Variants in SLC1A5 observed in about 807,000 individuals in gnomAD.
SLC1A5 encodes solute carrier family 1 member 5, also known as neutral amino acid transporter B(0).
A neutral mutation model predicts 34.9 loss-of-function variants in SLC1A5; 25 were observed. That is an observed-to-expected ratio of 0.72 (90% confidence interval 0.52 to 1.00). SLC1A5 has a LOEUF of 1.00. Ranked by LOEUF, SLC1A5 falls within the 50% of genes least tolerant of loss-of-function variation. SLC1A5 has a pLI of 0.00. For synonymous variants in SLC1A5, 351 were observed against 341.2 expected (o/e 1.03, Z -0.32); for missense variants, 637 against 740.0 (o/e 0.86, Z 1.61).
At chr19:46,779,151 A>G (rs1220166794) in intron 4 of SLC1A5, among the ~76,000 whole-genome samples, 1 of 152,124 alleles carries the variant, frequency 6.6e-6, no homozygotes, top group Non-Finnish European at 1.5e-5. Flanking sequence ...CAGGCCGGGC[A>G]CGGTGGCTCA....
At chr19:46,786,161 G>A (rs2055184644) in intron 1 of SLC1A5, among the ~76,000 whole-genome samples, 2 of 152,156 alleles carry the variant, frequency 1.3e-5, no homozygotes, top group African/African-American at 4.8e-5. Context: ...GGCGTGGCTG[G>A]TGGCATCACT....
In SLC1A5 at chr19:46,787,844, G is replaced by A. The variant is rs769830147; in HGVS notation, c.122C>T (p.Ser41Phe). 6.4e-6 allele frequency: 10 copies of A among 1,553,496 alleles called. No homozygotes were observed. Among genetic ancestry groups the A allele is most frequent in the South Asian group, 2.4e-5 (2 of 84,622 alleles). ...QGAAAGGYCG[S>F]RDQVRRCLRA... ...AAGGCAGCGGCGCACCTGGTCCCGG[G>A]AACCGCAGTAGCCGCCTGCTGCCGC... is the stretch of plus-strand genomic sequence containing the variant. The change falls in exon 1 of 8, where the codon TCC (serine) becomes TTC (phenylalanine). Residue 41 changes from serine to phenylalanine, a missense_variant. Coordinates refer to ENST00000542575, the MANE Select transcript of SLC1A5 (RefSeq NM_005628.3). The surrounding 1 kb of genome is among the most constrained non-coding windows in gnomAD (Gnocchi z 5.2).
intron 4 of SLC1A5, 41 bp downstream of exon 4, chr19:46,782,342 T>TGCCAACCCCCCCCCC: frequency 1.9e-6 from 1 of 523,370 alleles, no homozygotes; most frequent in Non-Finnish European, 3.5e-6. Context: ...AGACCGACCC[T>TGCCAACCCCCCCCCC]CCAACCCCAC....
intron 2 of SLC1A5, 32 bp downstream of exon 2, chr19:46,784,485 C>T (rs544748497): frequency 6.2e-7 from 1 of 1,613,644 alleles, no homozygotes; most frequent in South Asian, 1.1e-5. Flanking sequence ...CCTGTCCACC[C>T]CCATCCCCTC....
chr19:46,778,948 C>T lies in SLC1A5; in HGVS notation c.825-40G>A, dbSNP rs375494557. The T allele has an allele frequency of 1.4e-4, 201 of 1,460,692 alleles. 1 individual carries two copies. The South Asian group carries it at 1.5e-3, about 11-fold the overall frequency. 90.5% of individuals were successfully genotyped at this position (1,460,692 alleles called of 1,614,324 possible). A position where few individuals can be genotyped will look rare whatever the true frequency, so the allele number is the denominator to read the frequency against. On this transcript the variant is annotated intron_variant, in intron 4 of 7. Transcript: ENST00000542575. The stretch of plus-strand genomic sequence containing the variant: ...AGGAGACAGCTTGTTGCCTCTTCCA[C>T]GGGCCCAGTGGCCAGGCGTGAGGCT...
rs2055200891 is a variant in SLC1A5 at position 46,788,263 on chromosome 19, G to C, written c.-298C>G. 5.3e-6 allele frequency: 2 copies of C among 376,516 alleles called. No homozygotes were observed. Among genetic ancestry groups the C allele is most frequent in the East Asian group, 8.9e-5 (2 of 22,440 alleles). 23.3% of individuals were successfully genotyped at this position (376,516 alleles called of 1,614,324 possible). On this transcript the variant is annotated 5_prime_UTR_variant, in exon 1 of 8. Transcript: ENST00000542575. The stretch of plus-strand genomic sequence containing the variant: ...CCTTGGCCCTAGGAGCTGGGAATAC[G>C]AGAGTTTCTCTGGGTGGGACGTGGG...
intron 4 of SLC1A5, among the ~76,000 whole-genome samples, chr19:46,782,123 T>C (rs1419782480): frequency 1.3e-5 from 2 of 152,128 alleles, no homozygotes; most frequent in Admixed American, 1.3e-4. Flanking sequence ...TTTGAACTCC[T>C]GATCTCAAGT....
At position 46,782,686 on chromosome 19, in the gene SLC1A5, C is replaced by A. The variant is rs913089601; in HGVS notation, c.658-137G>T. 4 of 944,798 alleles carry A rather than the reference C, an allele frequency of 4.2e-6. No individual in the cohort carries two copies. In the Admixed American group the frequency reaches 7.7e-5, roughly 18 times the overall value. The allele number at this position is 944,798 out of a possible 1,614,324, so 58.5% of individuals were successfully genotyped here. On this transcript the variant is annotated intron_variant, in intron 3 of 7. Transcript: ENST00000542575. ...ACCCCTTCCTCCCAAGGCTCCCAGT[C>A]CAGGTCCAGGGGAAATATATTAGTC... is the stretch of plus-strand genomic sequence containing the variant.
At chr19:46,782,946 C>T (rs979004586) in intron 3 of SLC1A5, among the ~76,000 whole-genome samples, 1 of 152,144 alleles carries the variant, frequency 6.6e-6, no homozygotes, top group African/African-American at 2.4e-5. Context: ...ATGAGTGCAA[C>T]TTGGGCATTC....
At position 46,777,229 on chromosome 19, in the gene SLC1A5, A is replaced by G. The variant is rs759547212; in HGVS notation, c.1235T>C (p.Val412Ala). 12 of 1,605,944 alleles carry G rather than the reference A, an allele frequency of 7.5e-6. No homozygotes were observed. In the African/African-American group the frequency reaches 1.6e-4, roughly 21 times the overall value. The change falls in exon 6 of 8, where the codon GTA becomes GCA. Residue 412 changes from valine (V) to alanine (A), a missense_variant. By Grantham distance (64) the Val-to-Ala change is moderately conservative (BLOSUM62 0). Coordinates refer to ENST00000542575, the MANE Select transcript of SLC1A5 (RefSeq NM_005628.3). ...CACTCACAGGATGGTGATGATCTTT[A>G]CGAAGTCCAAGGACTGCTGGCTGAG... ...AQLSQQSLDF[V>A]KIITILVTAT...
intron 4 of SLC1A5, among the ~76,000 whole-genome samples, chr19:46,781,918 T>C (rs1471756367): frequency 6.6e-6 from 1 of 152,172 alleles, no homozygotes; most frequent in Non-Finnish European, 1.5e-5. Context: ...TCTTTTCTTC[T>C]TGAGACAGAG....
chr19:46,787,350 C>A lies in SLC1A5; in HGVS notation c.566+50G>T. On this transcript the variant is annotated intron_variant, in intron 1 of 7. Coordinates refer to ENST00000542575, the MANE Select transcript of SLC1A5 (RefSeq NM_005628.3). This position sits in a 1 kb window ranked among gnomAD's most constrained non-coding sequence, Gnocchi z 5.2. ...GCCCCGTCCTGTCCACGTGACCACT[C>A]CCGCCATCCGTAACACTCTTCCCCA... 6.4e-7 allele frequency: 1 copy of A among 1,552,304 alleles called. No homozygotes were observed. Among genetic ancestry groups the A allele is most frequent in the South Asian group, 1.2e-5 (1 of 84,194 alleles).
In SLC1A5 at chr19:46,778,926, A is replaced by G. The variant is rs766340332; in HGVS notation, c.825-18T>C. On this transcript the variant is annotated intron_variant, in intron 4 of 7. Transcript: ENST00000542575. The stretch of plus-strand genomic sequence containing the variant: ...GGGCGTACCTGATCAGTAACACAGG[A>G]GACAGCTTGTTGCCTCTTCCACGGG... 2 of 1,524,736 alleles carry G rather than the reference A, an allele frequency of 1.3e-6. No homozygotes were observed. Among genetic ancestry groups the G allele is most frequent in the African/African-American group, 2.8e-5 (2 of 72,190 alleles). The allele number at this position is 1,524,736 out of a possible 1,614,324, so 94.5% of individuals were successfully genotyped here.
At chr19:46,777,598 T>C (rs568650664) in intron 5 of SLC1A5, among the ~76,000 whole-genome samples, 193 bp from the exon 6 acceptor site, 30 of 115,460 alleles carry the variant, frequency 2.6e-4, no homozygotes, top group South Asian at 1.7e-3. Context: ...AGGTCTGACC[T>C]GCACCACCCA....
intron 4 of SLC1A5, among the ~76,000 whole-genome samples, chr19:46,780,970 T>G (rs1421771292): frequency 6.6e-6 from 1 of 151,942 alleles, no homozygotes; most frequent in African/African-American, 2.4e-5. Flanking sequence ...AGACTCTGTC[T>G]CTAAATAAAT....
intron 2 of SLC1A5, 72 bp downstream of exon 2, chr19:46,784,445 A>T (rs374241340): frequency 1.3e-6 from 2 of 1,575,188 alleles, no homozygotes; most frequent in African/African-American, 2.7e-5. Flanking sequence ...AAAATCAGGT[A>T]GCAAGGGCTC....
intron 7 of SLC1A5, 49 bp from the exon 8 acceptor site, chr19:46,775,796 G>A (rs1408106190): frequency 6.3e-7 from 1 of 1,579,460 alleles, no homozygotes; most frequent in Non-Finnish European, 8.6e-7. Context: ...GAGAGGGTGA[G>A]AGGGAAGGAA....
chr19:46,786,053 C>CAAAAAAA (rs34681600), intron 1 of SLC1A5, among the ~76,000 whole-genome samples: 1 of 102,656 alleles, frequency 9.7e-6, no homozygotes, highest in Non-Finnish European at 2.1e-5. Flanking sequence ...GAGACTGTCT[C>CAAAAAAA]AAAAAAAAAA....
At chr19:46,778,984 C>A (rs1369596717) in intron 4 of SLC1A5, 76 bp from the exon 5 acceptor site, 41 of 1,007,264 alleles carry the variant, frequency 4.1e-5, no homozygotes, top group Non-Finnish European at 3.7e-5. Context: ...CAGCACCCTA[C>A]CCACATCTTC....
Sources: gnomAD v4.1 joint callset for allele counts (sites outside exome capture counted in the v4.1 genomes callset) on GRCh38, gnomAD v4.1.1 for gene constraint, Gnocchi (gnomAD v3.1) non-coding constraint, MANE v1.5 for transcripts, NCBI Gene and HGNC (gene_info 2026-07-23, HGNC 2026-07-21) for gene names.